Variants in FASN observed in about 807,000 individuals in gnomAD.
The protein encoded by FASN is fatty acid synthase.
In FASN, 50 loss-of-function variants were observed where a neutral mutation model predicts 250.0. The observed-to-expected ratio is 0.20, with a 90% CI of 0.16 to 0.25. The LOEUF is 0.25. Among genes scored for constraint, FASN ranks in the 10% least tolerant of loss-of-function variants. The pLI is 1.00. For missense variants in FASN, 3,031 were observed against 3,498.5 expected (o/e 0.87, Z 3.37); for synonymous variants, 1,909 against 1,584.0 (o/e 1.21, Z -4.87).
chr17:82,079,103 GA>G lies in FASN; in HGVS notation c.*39del. On this transcript the variant is annotated 3_prime_UTR_variant, in exon 43 of 43. Coordinates refer to ENST00000306749, the MANE Select transcript of FASN (RefSeq NM_004104.5). ...CGGGGGTGGGGTGGGGTGGGGTGGG[GA>G]TGGTGGAGTGACCTCCGGTGGCAGG... The G allele has an allele frequency of 6.4e-7, 1 of 1,567,956 alleles. No individual in the cohort carries two copies. The highest frequency in any genetic ancestry group is 1.4e-5 in the African/African-American group (1 of 73,334).
rs749809654 is a variant in FASN, at chr17:82,087,782, G to A, written c.2946C>T (p.Pro982=). 6.2e-7 allele frequency: 1 copy of A among 1,612,620 alleles called. No individual in the cohort carries two copies. Among genetic ancestry groups the A allele is most frequent in the Admixed American group, 1.7e-5 (1 of 60,006 alleles). ...PESPTPNPTE[P]LFLAQAEVYK... is the part of the protein sequence containing the mutation. ...AAACTTCAGCCTGGGCCAGGAAGAG[G>A]GGCTCCGTGGGGTTGGGGGTGGGGC... is the stretch of plus-strand genomic sequence containing the variant. Residue 982 remains proline, a synonymous_variant, in exon 19 of 43, where the codon CCC becomes CCT. Coordinates refer to ENST00000306749, the MANE Select transcript of FASN (RefSeq NM_004104.5).
Position 82,088,500 on chromosome 17 carries a change from G to A in FASN, c.2483C>T (p.Pro828Leu). 6.2e-7 allele frequency: 1 copy of A among 1,609,324 alleles called. No homozygotes were observed. The highest frequency in any genetic ancestry group is 8.5e-7 in the Non-Finnish European group (1 of 1,177,394). The change falls in exon 16 of 43, where the codon CCC becomes CTC. Residue 828 changes from proline (P) to leucine (L), a missense_variant. Coordinates refer to ENST00000306749, the MANE Select transcript of FASN (RefSeq NM_004104.5). ...PVEFPAPRGTPLISPLIKWDH... is the reference protein window; with the variant it reads ...PVEFPAPRGTLLISPLIKWDH... ...CCACTTGATGAGTGGGGAGATGAGG[G>A]GAGTTCCTCGGGGAGCTGGGAACTC...
chr17:82,092,586 C>T lies in FASN; in HGVS notation c.898G>A (p.Gly300Ser). The change falls in exon 8 of 43, where the codon GGC (glycine) becomes AGC (serine). Residue 300 changes from glycine (G) to serine (S), a missense_variant. Gly to Ser is a moderately conservative substitution (Grantham distance 56). Transcript: ENST00000306749. ...IEAHGTGTKV[G>S]DPQELNGITR... is the part of the protein sequence containing the mutation. ...ATGCCATTCAGCTCCTGGGGGTCGCCCACCTGTGGGAAACATGGGGGGTGA... is the reference window on the plus strand; with the variant it reads ...ATGCCATTCAGCTCCTGGGGGTCGCTCACCTGTGGGAAACATGGGGGGTGA... The T allele has an allele frequency of 6.2e-7, 1 of 1,605,402 alleles. No individual in the cohort carries two copies. The highest frequency in any genetic ancestry group is 8.5e-7 in the Non-Finnish European group (1 of 1,179,056).
In FASN at chr17:82,080,910, G is replaced by A. The variant is rs769385227; in HGVS notation, c.6608C>T (p.Pro2203Leu). The stretch of plus-strand genomic sequence containing the variant: ...GGCCAGACCATCCTCCTTGGGCGTG[G>A]GGCATGCCAGCTCTGTGAAGACAGG... ...KADEASELAC[P>L]TPKEDGLAQQ... The change falls in exon 39 of 43, where the codon CCC (proline) becomes CTC (leucine). Residue 2203 changes from proline to leucine, a missense_variant. Physicochemically the swap from Pro to Leu is moderately conservative, Grantham distance 98 (BLOSUM62 -3). Transcript: ENST00000306749. 1.2e-6 allele frequency: 2 copies of A among 1,608,212 alleles called. No individual in the cohort carries two copies. The highest frequency in any genetic ancestry group is 8.5e-7 in the Non-Finnish European group (1 of 1,178,344).
intron 38 of FASN, 64 bp from the exon 39 acceptor site, chr17:82,080,986 C>G (rs145403029): frequency 1.5e-4 from 227 of 1,480,216 alleles, no homozygotes; most frequent in Middle Eastern, 2.2e-4. Context: ...CACGCAAGGA[C>G]ACACAGACAC....
At position 82,092,755 on chromosome 17, in the gene FASN, G is replaced by A. The variant is rs377076774; in HGVS notation, c.836C>T (p.Ser279Leu). 53 of 1,605,976 alleles carry A rather than the reference G, an allele frequency of 3.3e-5. 1 individual carries two copies. The Admixed American group carries it at 3.4e-4, about 10-fold the overall frequency. ...AAATGACTCAGGGGCCACTCCGGCC[G>A]ACTGGTACAACGAGCGGATGAGCTG... Reference protein sequence around the residue: ...QEQLIRSLYQSAGVAPESFEY... With the variant: ...QEQLIRSLYQLAGVAPESFEY... Residue 279 changes from serine (S) to leucine (L), a missense_variant, in exon 7 of 43, where the codon TCG becomes TTG. Transcript: ENST00000306749.
Position 82,087,498 on chromosome 17 carries a change from G to A in FASN, c.3050C>T (p.Ser1017Leu), listed in dbSNP as rs373840426. The change falls in exon 20 of 43, where the codon TCG (serine) becomes TTG (leucine). Residue 1017 changes from serine (S) to leucine (L), a missense_variant. Transcript: ENST00000306749. ...GTTATCCTTCCACAGCAGCCTCCCC[G>A]AGTCACCTGCACACAGGGCCTGGTT... ...GILEASLEGD[S>L]GRLLWKDNWV... 54 of 1,612,206 alleles carry A rather than the reference G, an allele frequency of 3.3e-5. No homozygotes were observed. Among genetic ancestry groups the A allele is most frequent in the African/African-American group, 6.7e-5 (5 of 75,026 alleles).
At chr17:82,089,583 A>G in intron 12 of FASN, 49 bp downstream of exon 12, 2 of 1,552,698 alleles carry the variant, frequency 1.3e-6, no homozygotes, top group Non-Finnish European at 1.7e-6. Flanking sequence ...CCAGACTTGC[A>G]ATGGCAGGCG....
In FASN at chr17:82,090,948, C is replaced by T; in HGVS notation, c.1614G>A (p.Leu538=). The part of the protein sequence containing the change: ...KPFGLKVSQL[L]LSTDESTFDD... The stretch of plus-strand genomic sequence containing the variant: ...CAAAGGTGCTCTCGTCTGTGCTCAG[C>T]AGCAGCTGTGACACCTTCAGGCCGA... The change falls in exon 10 of 43, where the codon CTG becomes CTA. Residue 538 remains leucine (L), a synonymous_variant. Transcript: ENST00000306749. 1 of 1,612,794 alleles carries T rather than the reference C, an allele frequency of 6.2e-7. No individual in the cohort carries two copies. The highest frequency in any genetic ancestry group is 1.3e-5 in the African/African-American group (1 of 75,070).
intron 3 of FASN, among the ~76,000 whole-genome samples, chr17:82,094,704 G>A (rs2034274122): frequency 6.6e-6 from 1 of 151,826 alleles, no homozygotes. Flanking sequence ...CAGGAGAATG[G>A]TGTGAACCCA....
At position 82,084,873 on chromosome 17, in the gene FASN, A is replaced by C; in HGVS notation, c.4490T>G (p.Leu1497Trp). Reference sequence around the variant, plus strand: ...GACGTTCATCACCAGGTCTCCCTGCAACACCTTCTGCAGTTCTGCGGAGCC... The same window carrying C: ...GACGTTCATCACCAGGTCTCCCTGCCACACCTTCTGCAGTTCTGCGGAGCC... ...DPGSAELQKV[L>W]QGDLVMNVYR... Residue 1497 changes from leucine to tryptophan, a missense_variant, in exon 26 of 43, where the codon TTG becomes TGG. By Grantham distance (61) the Leu-to-Trp change is moderately conservative. Coordinates refer to ENST00000306749, the MANE Select transcript of FASN (RefSeq NM_004104.5). 1 of 1,550,698 alleles carries C rather than the reference A, an allele frequency of 6.4e-7. No homozygotes were observed. Among genetic ancestry groups the C allele is most frequent in the Non-Finnish European group, 8.7e-7 (1 of 1,147,140 alleles).
rs772167116 is a variant in FASN, at chr17:82,080,360, T to C, written c.7047+10A>G. On this transcript the variant is annotated intron_variant, in intron 40 of 42. Coordinates refer to ENST00000306749, the MANE Select transcript of FASN (RefSeq NM_004104.5). ...TTGCCGTAGGCCTCTAGGACCAGCC[T>C]GGCTCTCACCTGGGTGTAGGCCAGT... 1 of 1,604,456 alleles carries C rather than the reference T, an allele frequency of 6.2e-7. No individual in the cohort carries two copies. The highest frequency in any genetic ancestry group is 8.5e-7 in the Non-Finnish European group (1 of 1,176,108).
intron 38 of FASN, 42 bp from the exon 39 acceptor site, chr17:82,080,964 A>C: frequency 6.5e-7 from 1 of 1,534,572 alleles, no homozygotes. Context: ...CTGGGTGCAG[A>C]GCCCTGGCAC....
chr17:82,084,300 G>A lies in FASN; in HGVS notation c.4853C>T (p.Pro1618Leu), dbSNP rs769549805. The A allele has an allele frequency of 5.0e-6, 8 of 1,611,134 alleles. No individual in the cohort carries two copies. In the South Asian group the frequency reaches 7.7e-5, roughly 16 times the overall value. The change falls in exon 28 of 43, where the codon CCT (proline) becomes CTT (leucine). Residue 1618 changes from proline to leucine, a missense_variant. Coordinates refer to ENST00000306749, the MANE Select transcript of FASN (RefSeq NM_004104.5). The part of the protein sequence containing the change: ...ASGKRVMGLV[P>L]AKGLATSVLL... ...GACAGAGGTGGCCAGGCCCTTGGCA[G>A]GCACCAGTCCCATCACACGCTTGCC...
Position 82,089,812 on chromosome 17 carries a change from G to A in FASN, c.1871-86C>T. On this transcript the variant is annotated intron_variant, in intron 11 of 42. Transcript: ENST00000306749. ...CCACCCAGACACTGCCTGCAGCTGG[G>A]GGCAGTAATGACAAGTGTGGTAATG... is the stretch of plus-strand genomic sequence containing the variant. 29 of 1,170,262 alleles carry A rather than the reference G, an allele frequency of 2.5e-5. No homozygotes were observed. The South Asian group carries it at 3.7e-4, about 15-fold the overall frequency. The allele number at this position is 1,170,262 out of a possible 1,614,324, so 72.5% of individuals were successfully genotyped here.
In FASN at chr17:82,085,278, G is replaced by C. The variant is rs779790320; in HGVS notation, c.4247C>G (p.Pro1416Arg). The change falls in exon 24 of 43, where the codon CCG becomes CGG. Residue 1416 changes from proline (P) to arginine (R), a missense_variant. By Grantham distance (103) the Pro-to-Arg change is moderately radical. Transcript: ENST00000306749. ...CCAGCGGAAGCTGGTATCGTCCACC[G>C]GCAGGAAGATGGGGCTGTCCTGCGG... ...PTPQDSPIFL[P>R]VDDTSFRWVE... is the part of the protein sequence containing the mutation. 1.2e-6 allele frequency: 2 copies of C among 1,611,554 alleles called. No homozygotes were observed. The highest frequency in any genetic ancestry group is 8.5e-7 in the Non-Finnish European group (1 of 1,179,474).
Position 82,093,022 on chromosome 17 carries a change from G to A in FASN, c.656-3C>T, listed in dbSNP as rs371336911. ...CTCCGAGCGGCAGTACCCATTCCCT[G>A]GGTAGAGCAGCACCTCAGGCCCGGG... On this transcript the variant is annotated splice_region_variant and splice_polypyrimidine_tract_variant and intron_variant, in intron 5 of 42. Transcript: ENST00000306749. 41 of 1,611,698 alleles carry A rather than the reference G, an allele frequency of 2.5e-5. No homozygotes were observed. In the African/African-American group the frequency reaches 5.2e-4, roughly 20 times the overall value.
chr17:82,080,049 G>T (rs2033959639), intron 41 of FASN, 91 bp downstream of exon 41: 2 of 1,371,356 alleles, frequency 1.5e-6, no homozygotes, highest in East Asian at 2.3e-5. Flanking sequence ...GGCCTTTAAC[G>T]CTCTTCGCGT....
At position 82,079,436 on chromosome 17, in the gene FASN, T is replaced by C; in HGVS notation, c.7319A>G (p.His2440Arg). ...GGCGCGCAGTAGCATCACGTTGCCA[T>C]GGTACTTGGCCTTGGGTGTGTACTG... ...AEQYTPKAKY[H>R]GNVMLLRAKT... The change falls in exon 42 of 43, where the codon CAT becomes CGT. Residue 2440 changes from histidine to arginine, a missense_variant. Transcript: ENST00000306749. 6.2e-7 allele frequency: 1 copy of C among 1,613,046 alleles called. No homozygotes were observed. Among genetic ancestry groups the C allele is most frequent in the Non-Finnish European group, 8.5e-7 (1 of 1,179,982 alleles).
Sources: allele counts gnomAD v4.1 joint callset (sites outside exome capture counted in the v4.1 genomes callset), GRCh38; gene constraint gnomAD v4.1.1; transcripts MANE v1.5; gene names NCBI Gene and HGNC (gene_info 2026-07-23, HGNC 2026-07-21).